Variants in UNC119B observed in about 807,000 individuals in gnomAD.
UNC119B encodes protein unc-119 homolog B.
Under a neutral mutation model 23.4 loss-of-function variants are expected in UNC119B, and 16 were observed. The observed-to-expected ratio is 0.68, with a 90% CI of 0.46 to 1.04. The LOEUF is 1.04. UNC119B is among the 50% of genes least tolerant of loss of function. The probability of loss-of-function intolerance (pLI) is 0.00; values close to 1 mark genes in which losing one functional copy is unlikely to be tolerated. For synonymous variants in UNC119B, 144 were observed against 145.4 expected (o/e 0.99, Z 0.07); for missense variants, 350 against 361.3 (o/e 0.97, Z 0.25).
At position 120,722,091 on chromosome 12, in the gene UNC119B, A is replaced by G. The variant is rs940078521; in HGVS notation, c.*2059A>G. The G allele has an allele frequency of 1.3e-5, 2 of 152,004 alleles. No homozygotes were observed. Among genetic ancestry groups the G allele is most frequent in the African/African-American group, 4.8e-5 (2 of 41,448 alleles). The allele number at this position is 152,004 out of a possible 1,614,324, so 9.4% of individuals were successfully genotyped here. ...CTGTGCTTAGTAGAGTGTGTCTTGG[A>G]AACATGCCCCTGGGCACACTGTATC... is the stretch of plus-strand genomic sequence containing the variant. On this transcript the variant is annotated 3_prime_UTR_variant, in exon 5 of 5. Coordinates refer to ENST00000344651, the MANE Select transcript of UNC119B (RefSeq NM_001080533.3).
At chr12:120,712,793 T>C (rs1239339025) in intron 1 of UNC119B, among the ~76,000 whole-genome samples, 3 of 152,220 alleles carry the variant, frequency 2.0e-5, no homozygotes, top group Non-Finnish European at 4.4e-5. Flanking sequence ...ACAGAGACCA[T>C]GTGGCGGCAA....
At chr12:120,713,623 G>A (rs1305134359) in intron 2 of UNC119B, among the ~76,000 whole-genome samples, 1 of 152,224 alleles carries the variant, frequency 6.6e-6, no homozygotes, top group Non-Finnish European at 1.5e-5. Context: ...GTGCACATCA[G>A]TGTATGTAAT....
chr12:120,715,325 A>C (rs1348302669), intron 2 of UNC119B, among the ~76,000 whole-genome samples: 1 of 152,214 alleles, frequency 6.6e-6, no homozygotes, highest in East Asian at 1.9e-4. Context: ...CCAGGGTTTT[A>C]GAGTCTCTGG....
intron 1 of UNC119B, chr12:120,711,565 T>A (rs2136928443): frequency 1.3e-5 from 2 of 152,444 alleles, no homozygotes; most frequent in South Asian, 4.1e-4. Flanking sequence ...TGACGTCTTT[T>A]CTCTTGCTGC....
chr12:120,712,481 A>G (rs1435967674), intron 1 of UNC119B, among the ~76,000 whole-genome samples: 2 of 152,214 alleles, frequency 1.3e-5, no homozygotes, highest in Non-Finnish European at 2.9e-5. Flanking sequence ...AATTATTTCA[A>G]TTTGCGGCTC....
intron 2 of UNC119B, among the ~76,000 whole-genome samples, chr12:120,714,790 A>G (rs1882737893): frequency 6.6e-6 from 1 of 152,134 alleles, no homozygotes; most frequent in Non-Finnish European, 1.5e-5. Context: ...ATTTCAATAT[A>G]AGACGGAACT....
At chr12:120,717,068 A>C (rs1042474011) in intron 4 of UNC119B, 26 bp downstream of exon 4, 1 of 1,535,912 alleles carries the variant, frequency 6.5e-7, no homozygotes, top group Non-Finnish European at 8.8e-7. Context: ...CCCTTACAGC[A>C]CTCTAGATTC....
chr12:120,716,660 G>T lies in UNC119B; in HGVS notation c.391G>T (p.Asp131Tyr). The change falls in exon 3 of 5, where the codon GAC becomes TAC. Residue 131 changes from aspartate (D) to tyrosine (Y), a missense_variant. Asp to Tyr is a radical substitution (Grantham distance 160). Coordinates refer to ENST00000344651, the MANE Select transcript of UNC119B (RefSeq NM_001080533.3). ...GGAGGATGAGGAGGAGGGAGGTGGA[G>T]ACGTGGACATCAGCGCAGGACGTTT... is the stretch of plus-strand genomic sequence containing the variant. Reference protein sequence around the residue: ...QEEDEEEGGGDVDISAGRFVR... With the variant: ...QEEDEEEGGGYVDISAGRFVR... 6.2e-7 allele frequency: 1 copy of T among 1,614,212 alleles called. No individual in the cohort carries two copies. Among genetic ancestry groups the T allele is most frequent in the Non-Finnish European group, 8.5e-7 (1 of 1,180,034 alleles).
At chr12:120,713,249 G>A in intron 1 of UNC119B, 25 bp from the exon 2 acceptor site, 1 of 1,515,650 alleles carries the variant, frequency 6.6e-7, no homozygotes. Flanking sequence ...ATTTAACAGT[G>A]TTGGTTTCTC....
rs1566020947 is a variant in UNC119B at position 120,720,007 on chromosome 12, A to G, written c.731A>G (p.Asp244Gly). The change falls in exon 5 of 5, where the codon GAT becomes GGT. Residue 244 changes from aspartate to glycine, a missense_variant. Coordinates refer to ENST00000344651, the MANE Select transcript of UNC119B (RefSeq NM_001080533.3). ...AAGCTGATAATGCACAACAAGGCTG[A>G]TTATGCCTATAATGGAGGCCAGTAA... ...DNKLIMHNKA[D>G]YAYNGGQ The G allele has an allele frequency of 1.2e-6, 2 of 1,614,036 alleles. No individual in the cohort carries two copies. Among genetic ancestry groups the G allele is most frequent in the Non-Finnish European group, 1.7e-6 (2 of 1,179,918 alleles).
intron 2 of UNC119B, 149 bp from the exon 3 acceptor site, chr12:120,716,479 T>C (rs1882781514): frequency 2.5e-6 from 2 of 810,192 alleles, no homozygotes; most frequent in Non-Finnish European, 2.2e-6. Flanking sequence ...AGTGTCCTGC[T>C]ATATAGCAAG....
intron 1 of UNC119B, 102 bp downstream of exon 1, chr12:120,710,820 C>T (rs997818114): frequency 5.2e-6 from 6 of 1,148,928 alleles, no homozygotes; most frequent in African/African-American, 1.6e-5. Flanking sequence ...CCCCGCCAGA[C>T]CCCCTCGGCC....
rs1742487377 is a variant in UNC119B, at chr12:120,722,895, C to T, written c.*2863C>T. 1.3e-5 allele frequency: 2 copies of T among 152,358 alleles called. No individual in the cohort carries two copies. Among genetic ancestry groups the T allele is most frequent in the African/African-American group, 4.8e-5 (2 of 41,458 alleles). The allele number at this position is 152,358 out of a possible 1,614,324, so 9.4% of individuals were successfully genotyped here. On this transcript the variant is annotated 3_prime_UTR_variant, in exon 5 of 5. Transcript: ENST00000344651. ...AGAGAAAACATTTTTCAAGCATGTGCTTCCTGAAGACACCTCAGTCTTTGG... is the reference window on the plus strand; with the variant it reads ...AGAGAAAACATTTTTCAAGCATGTGTTTCCTGAAGACACCTCAGTCTTTGG...
Position 120,716,907 on chromosome 12 carries a change from T to C in UNC119B, c.508T>C (p.Phe170Leu). The change falls in exon 4 of 5, where the codon TTC becomes CTC. Residue 170 changes from phenylalanine (F) to leucine (L), a missense_variant. By Grantham distance (22) the Phe-to-Leu change is conservative (BLOSUM62 0). Transcript: ENST00000344651. Reference sequence around the variant, plus strand: ...AGTGGGAGACAAACCTGTTTCAAACTTCCGGATGATCGAACGGCACTATTT... The same window carrying C: ...AGTGGGAGACAAACCTGTTTCAAACCTCCGGATGATCGAACGGCACTATTT... ...FTVGDKPVSN[F>L]RMIERHYFRE... The C allele has an allele frequency of 6.2e-7, 1 of 1,613,294 alleles. No homozygotes were observed. Among genetic ancestry groups the C allele is most frequent in the Non-Finnish European group, 8.5e-7 (1 of 1,179,552 alleles).
At chr12:120,719,096 T>C (rs1882838662) in intron 4 of UNC119B, among the ~76,000 whole-genome samples, 1 of 152,240 alleles carries the variant, frequency 6.6e-6, no homozygotes. Flanking sequence ...TCAGTTTCAC[T>C]TTTTGAGAAC....
chr12:120,713,999 A>G (rs532634513), intron 2 of UNC119B, among the ~76,000 whole-genome samples: 1 of 152,306 alleles, frequency 6.6e-6, no homozygotes, highest in East Asian at 1.9e-4. Context: ...AGCCTCCCAT[A>G]GCCGCTTCCT....
rs1290859973 is a variant in UNC119B at position 120,710,613 on chromosome 12, C to G, written c.139C>G (p.His47Asp). The G allele has an allele frequency of 6.9e-7, 1 of 1,440,792 alleles. No individual in the cohort carries two copies. The highest frequency in any genetic ancestry group is 9.1e-7 in the Non-Finnish European group (1 of 1,102,340). 89.3% of individuals were successfully genotyped at this position (1,440,792 alleles called of 1,614,324 possible). A position where few individuals can be genotyped will look rare whatever the true frequency, so the allele number is the denominator to read the frequency against. ...RLKARRQAPH[H>D]AADDGVGAAV... ...GAAGGCGCGGCGGCAGGCGCCCCAC[C>G]ACGCGGCCGACGACGGCGTCGGGGC... Residue 47 changes from histidine (H) to aspartate (D), a missense_variant, in exon 1 of 5, where the codon CAC becomes GAC. By Grantham distance (81) the His-to-Asp change is moderately conservative. Coordinates refer to ENST00000344651, the MANE Select transcript of UNC119B (RefSeq NM_001080533.3).
intron 4 of UNC119B, 54 bp downstream of exon 4, chr12:120,717,096 A>AAACCT (rs1249578128): frequency 2.0e-6 from 3 of 1,496,210 alleles, no homozygotes; most frequent in Non-Finnish European, 2.7e-6. Context: ...TACAAGGAAC[A>AAACCT]AACCTTGAAA....
At position 120,723,321 on chromosome 12, in the gene UNC119B, A is replaced by G. The variant is rs1882953952; in HGVS notation, c.*3289A>G. ...GGTGTAGGAGCCTAATCATTGAACC[A>G]TTGTGTTACTCACATTCCATGTCAC... is the stretch of plus-strand genomic sequence containing the variant. On this transcript the variant is annotated 3_prime_UTR_variant, in exon 5 of 5. Transcript: ENST00000344651. 6.5e-6 allele frequency: 1 copy of G among 154,122 alleles called. No homozygotes were observed. Among genetic ancestry groups the G allele is most frequent in the African/African-American group, 2.4e-5 (1 of 41,486 alleles). The allele number at this position is 154,122 out of a possible 1,614,324, so 9.5% of individuals were successfully genotyped here. A position where few individuals can be genotyped will look rare whatever the true frequency, so the allele number is the denominator to read the frequency against.
Sources: allele counts gnomAD v4.1 joint callset (sites outside exome capture counted in the v4.1 genomes callset), GRCh38; gene constraint gnomAD v4.1.1; transcripts MANE v1.5; gene names NCBI Gene and HGNC (gene_info 2026-07-23, HGNC 2026-07-21).